GNB5: variants seen among roughly 807,000 people sequenced by gnomAD.
The protein encoded by GNB5 is G protein subunit beta 5.
Under a neutral mutation model 55.3 loss-of-function variants are expected in GNB5, and 37 were observed. That is an observed-to-expected ratio of 0.67 (90% confidence interval 0.51 to 0.88). The LOEUF (loss-of-function observed/expected upper bound fraction) is 0.88. Among genes scored for constraint, GNB5 ranks in the 40% least tolerant of loss-of-function variants. GNB5 has a pLI of 0.00. For synonymous variants in GNB5, 219 were observed against 198.5 expected (o/e 1.10, Z -0.87); for missense variants, 476 against 515.3 (o/e 0.92, Z 0.74).
At chr15:52,174,767 G>A (rs919736855) in intron 3 of GNB5, among the ~76,000 whole-genome samples, 2 of 152,002 alleles carry the variant, frequency 1.3e-5, no homozygotes, top group African/African-American at 4.8e-5. Context: ...GTCTCCTGGG[G>A]TGCAGGACTT....
At chr15:52,175,523 G>A (rs137908588) in intron 3 of GNB5, among the ~76,000 whole-genome samples, 22 of 152,236 alleles carry the variant, frequency 1.4e-4, no homozygotes, top group Non-Finnish European at 1.0e-4. Context: ...CAGATCACCT[G>A]AGGTCAGGAG....
chr15:52,135,739 G>A lies in GNB5; in HGVS notation c.645C>T (p.Gly215=), dbSNP rs374614196. 1.3e-5 allele frequency: 21 copies of A among 1,612,240 alleles called. No individual in the cohort carries two copies. Among genetic ancestry groups the A allele is most frequent in the African/African-American group, 9.4e-5 (7 of 74,758 alleles). ...CGTCCCACAGGGCACATGTGCCATCGCCGCTCGCTGTCAGGATCTGCCCGC... is the reference window on the plus strand; with the variant it reads ...CGTCCCACAGGGCACATGTGCCATCACCGCTCGCTGTCAGGATCTGCCCGC... ...NSDMQILTAS[G]DGTCALWDVE... The change falls in exon 8 of 13, where the codon GGC becomes GGT. Residue 215 remains glycine, a synonymous_variant. Coordinates refer to ENST00000261837, the MANE Select transcript of GNB5 (RefSeq NM_016194.4).
intron 7 of GNB5, chr15:52,137,735 G>A: frequency 1.7e-6 from 2 of 1,192,658 alleles, no homozygotes; most frequent in South Asian, 1.5e-5. Flanking sequence ...AGGACTCAGG[G>A]TTCGGGGCCC....
At chr15:52,155,410 C>T (rs1285723492) in intron 3 of GNB5, among the ~76,000 whole-genome samples, 3 of 152,184 alleles carry the variant, frequency 2.0e-5, no homozygotes, top group African/African-American at 7.2e-5. Context: ...CTGGGAAATC[C>T]TTCCTCCCAT....
rs140678468 is a variant in GNB5 at position 52,137,981 on chromosome 15, G to A, written c.628-2225C>T. The A allele has an allele frequency of 2.9e-3, 3,740 of 1,285,372 alleles. 86 individuals carry two copies. The Admixed American group carries it at 0.039, about 13-fold the overall frequency. The allele number at this position is 1,285,372 out of a possible 1,614,324, so 79.6% of individuals were successfully genotyped here. A position where few individuals can be genotyped will look rare whatever the true frequency, so the allele number is the denominator to read the frequency against. On this transcript the variant is annotated intron_variant, in intron 7 of 12. Transcript: ENST00000261837. ...AAAGAGGAATCAGGCCTTATGCACC[G>A]CTAGCATGCAATGCAACCACTGACC...
chr15:52,174,796 G>A (rs543340221), intron 3 of GNB5, among the ~76,000 whole-genome samples: 2 of 152,208 alleles, frequency 1.3e-5, no homozygotes, highest in African/African-American at 4.8e-5. Flanking sequence ...AAAACCTAGG[G>A]TCTGGCTAGG....
chr15:52,134,928 C>A (rs1349893681), intron 8 of GNB5, among the ~76,000 whole-genome samples: 2 of 152,032 alleles, frequency 1.3e-5, no homozygotes, highest in African/African-American at 4.8e-5. Flanking sequence ...CTTGTACCAT[C>A]CTGGGGAGGG....
chr15:52,124,330 G>C, intron 12 of GNB5, 143 bp downstream of exon 12: 1 of 628,218 alleles, frequency 1.6e-6, no homozygotes, highest in Non-Finnish European at 2.8e-6. Context: ...CTCTGTGGCT[G>C]TGGGCAGAGT....
At chr15:52,180,090 G>A (rs2034742207) in intron 2 of GNB5, 3 of 428,996 alleles carry the variant, frequency 7.0e-6, no homozygotes, top group Non-Finnish European at 7.3e-6. Context: ...CTGGTGCGAT[G>A]TCCGCGTCAG....
At chr15:52,130,201 T>C (rs2033539710) in intron 9 of GNB5, among the ~76,000 whole-genome samples, 1 of 152,200 alleles carries the variant, frequency 6.6e-6, no homozygotes, top group East Asian at 1.9e-4. Flanking sequence ...TCACTGTGAT[T>C]TGGGCTTCTC....
rs1462072738 is a variant in GNB5 at position 52,118,415 on chromosome 15, G to A, written c.*4342C>T. On this transcript the variant is annotated 3_prime_UTR_variant, in exon 13 of 13. Coordinates refer to ENST00000261837, the MANE Select transcript of GNB5 (RefSeq NM_016194.4). ...TTTTCATCCTCTCAGGAATTTTCCAGAGACTACTGGCATGGGAGAAAGATC... is the reference window on the plus strand; with the variant it reads ...TTTTCATCCTCTCAGGAATTTTCCAAAGACTACTGGCATGGGAGAAAGATC... The A allele has an allele frequency of 3.3e-5, 5 of 151,858 alleles. No homozygotes were observed. Among genetic ancestry groups the A allele is most frequent in the Non-Finnish European group, 5.9e-5 (4 of 68,010 alleles). The allele number at this position is 151,858 out of a possible 1,614,324, so 9.4% of individuals were successfully genotyped here.
chr15:52,141,110 T>C, intron 7 of GNB5, 30 bp downstream of exon 7: 2 of 1,611,782 alleles, frequency 1.2e-6, no homozygotes, highest in African/African-American at 1.3e-5. Flanking sequence ...CCTTGGCAGG[T>C]CAACCTGACA....
At chr15:52,142,648 T>C (rs2033883842) in intron 6 of GNB5, among the ~76,000 whole-genome samples, 1 of 152,142 alleles carries the variant, frequency 6.6e-6, no homozygotes, top group Non-Finnish European at 1.5e-5. Context: ...AGCCTCACTT[T>C]ATTCTTTTCC....
At chr15:52,144,689 GT>G (rs2033931508) in intron 6 of GNB5, among the ~76,000 whole-genome samples, 1 of 152,132 alleles carries the variant, frequency 6.6e-6, no homozygotes, top group African/African-American at 2.4e-5. Context: ...GAGACTAAAG[GT>G]ATCTGCCCGA....
At position 52,122,373 on chromosome 15, in the gene GNB5, A is replaced by G. The variant is rs918532957; in HGVS notation, c.*384T>C. The G allele has an allele frequency of 7.5e-5, 14 of 187,172 alleles. No individual in the cohort carries two copies. The East Asian group carries it at 2.0e-3, about 26-fold the overall frequency. The allele number at this position is 187,172 out of a possible 1,614,324, so 11.6% of individuals were successfully genotyped here. A position where few individuals can be genotyped will look rare whatever the true frequency, so the allele number is the denominator to read the frequency against. On this transcript the variant is annotated 3_prime_UTR_variant, in exon 13 of 13. Coordinates refer to ENST00000261837, the MANE Select transcript of GNB5 (RefSeq NM_016194.4). ...CAGGCATCACAGTGCACATCGAGAA[A>G]TATCAGACTTTAAAGTGCTCTGAAA...
intron 10 of GNB5, among the ~76,000 whole-genome samples, chr15:52,126,995 C>T (rs1034672044): frequency 6.6e-6 from 1 of 152,144 alleles, no homozygotes; most frequent in African/African-American, 2.4e-5. Context: ...TGGGGTTTCA[C>T]CACATTGGCC....
chr15:52,135,540 A>G, intron 8 of GNB5, 73 bp downstream of exon 8: 1 of 1,335,778 alleles, frequency 7.5e-7, no homozygotes, highest in South Asian at 1.2e-5. Flanking sequence ...AATCCCATGA[A>G]TGGACAAGAA....
chr15:52,187,579 G>A (rs971043457), intron 1 of GNB5, among the ~76,000 whole-genome samples: 9 of 152,114 alleles, frequency 5.9e-5, no homozygotes, highest in Admixed American at 5.2e-4. Flanking sequence ...TCTAGATAGA[G>A]GCAATGTTTT....
At chr15:52,175,522 T>A (rs1406449785) in intron 3 of GNB5, among the ~76,000 whole-genome samples, 1 of 150,590 alleles carries the variant, frequency 6.6e-6, no homozygotes, top group Non-Finnish European at 1.5e-5. Context: ...GCAGATCACC[T>A]GAGGTCAGGA....
Sources: allele counts gnomAD v4.1 joint callset (sites outside exome capture counted in the v4.1 genomes callset), GRCh38; gene constraint gnomAD v4.1.1; transcripts MANE v1.5; gene names NCBI Gene and HGNC (gene_info 2026-07-23, HGNC 2026-07-21).